The following NEK10 variants were observed in gnomAD, a reference collection of about 807,000 sequenced individuals.
NEK10 encodes the protein NIMA related kinase 10.
In NEK10, 122 loss-of-function variants were observed where a neutral mutation model predicts 159.8. That is an observed-to-expected ratio of 0.76 (90% CI 0.66 to 0.89). NEK10 has a LOEUF of 0.89. Among genes scored for constraint, NEK10 ranks in the 40% least tolerant of loss-of-function variants. NEK10 has a pLI of 0.00. For missense variants in NEK10, 1,342 were observed against 1,323.1 expected (o/e 1.01, Z -0.22); for synonymous variants, 466 against 457.1 (o/e 1.02, Z -0.25).
chr3:27,310,774 C>A, intron 9 of NEK10, 175 bp downstream of exon 9: 1 of 467,482 alleles, frequency 2.1e-6, no homozygotes, highest in African/African-American at 2.0e-5. Context: ...TCTCTATTAA[C>A]TTGTAATGCT....
intron 23 of NEK10, among the ~76,000 whole-genome samples, chr3:27,243,837 G>A (rs1425803179): frequency 1.5e-5 from 1 of 64,624 alleles, no homozygotes; most frequent in African/African-American, 3.8e-5. Flanking sequence ...ATGGGTGTGT[G>A]TGTGTGTGTG....
At chr3:27,261,367 T>C (rs1260064236) in intron 22 of NEK10, among the ~76,000 whole-genome samples, 1 of 152,238 alleles carries the variant, frequency 6.6e-6, no homozygotes, top group East Asian at 1.9e-4. Context: ...TTTAGTGCTA[T>C]AAATTTCCCT....
chr3:27,125,376 C>T (rs1175724362), intron 32 of NEK10, among the ~76,000 whole-genome samples: 3 of 152,072 alleles, frequency 2.0e-5, no homozygotes, highest in African/African-American at 2.4e-5. Flanking sequence ...TGAGGTAGAA[C>T]TCTGAAGGAA....
chr3:27,211,460 T>C (rs1951003043), intron 23 of NEK10, among the ~76,000 whole-genome samples: 1 of 152,232 alleles, frequency 6.6e-6, no homozygotes, highest in South Asian at 2.1e-4. Flanking sequence ...ACCCTCAGTC[T>C]ATTAAAGTCA....
chr3:27,251,952 G>C (rs189832679), intron 23 of NEK10, among the ~76,000 whole-genome samples: 2 of 152,010 alleles, frequency 1.3e-5, no homozygotes, highest in African/African-American at 4.8e-5. Context: ...TTTTCTTCAG[G>C]CTTTATTAGG....
intron 3 of NEK10, 89 bp downstream of exon 3, chr3:27,352,376 C>T: frequency 1.2e-6 from 1 of 828,704 alleles, no homozygotes; most frequent in Non-Finnish European, 2.1e-6. Context: ...GAAAAGCAGA[C>T]ATATCATTCA....
chr3:27,115,224 G>C (rs1940222271), intron 35 of NEK10, among the ~76,000 whole-genome samples: 2 of 152,162 alleles, frequency 1.3e-5, no homozygotes, highest in Admixed American at 6.5e-5. Flanking sequence ...TCCCCAGTGG[G>C]ATCAGGCTTC....
Position 27,111,008 on chromosome 3 carries a change from A to C in NEK10, c.*264T>G, listed in dbSNP as rs934681680. 6.2e-6 allele frequency: 2 copies of C among 324,460 alleles called. No homozygotes were observed. Among genetic ancestry groups the C allele is most frequent in the African/African-American group, 2.1e-5 (1 of 46,892 alleles). 20.1% of individuals were successfully genotyped at this position (324,460 alleles called of 1,614,324 possible). ...TTTCCCCCCACCCTCCAAAAGATGA[A>C]TTTTGCAGCATTTTCTCCCAGCAGC... is the stretch of plus-strand genomic sequence containing the variant. On this transcript the variant is annotated 3_prime_UTR_variant, in exon 36 of 36. Transcript: ENST00000691995.
At chr3:27,289,155 GA>G (rs1004760034) in intron 19 of NEK10, among the ~76,000 whole-genome samples, 1 of 152,198 alleles carries the variant, frequency 6.6e-6, no homozygotes, top group African/African-American at 2.4e-5. Context: ...CAAGAAGAGA[GA>G]AAAAAGCCTG....
chr3:27,264,214 A>C (rs2040680965), intron 22 of NEK10, among the ~76,000 whole-genome samples: 4 of 152,154 alleles, frequency 2.6e-5, no homozygotes. Context: ...AACTCAACCA[A>C]ACTTTTAAGA....
intron 31 of NEK10, among the ~76,000 whole-genome samples, chr3:27,139,211 A>T (rs1943532780): frequency 6.6e-6 from 1 of 152,220 alleles, no homozygotes; most frequent in Admixed American, 6.5e-5. Context: ...TCTTGTTGAG[A>T]CTACCCAAGT....
intron 29 of NEK10, among the ~76,000 whole-genome samples, chr3:27,163,425 C>T: frequency 6.6e-6 from 1 of 151,980 alleles, no homozygotes; most frequent in Non-Finnish European, 1.5e-5. Flanking sequence ...GATCTCAGCT[C>T]ACTGAAACCT....
At chr3:27,203,400 T>C (rs1299872805) in intron 23 of NEK10, among the ~76,000 whole-genome samples, 1 of 152,232 alleles carries the variant, frequency 6.6e-6, no homozygotes, top group Non-Finnish European at 1.5e-5. Flanking sequence ...GCTTCTGAAA[T>C]TGCCACACAA....
At chr3:27,245,695 G>T (rs1954989827) in intron 23 of NEK10, among the ~76,000 whole-genome samples, 1 of 152,170 alleles carries the variant, frequency 6.6e-6, no homozygotes, top group South Asian at 2.1e-4. Context: ...GGGATGGATT[G>T]TTATGCATCC....
rs935249186 is a variant in NEK10, at chr3:27,369,333, TCCTCCC to T, written c.-152_-147del. On this transcript the variant is annotated 5_prime_UTR_variant, in exon 1 of 36. Coordinates refer to ENST00000691995, the MANE Select transcript of NEK10 (RefSeq NM_001394966.1). The surrounding 1 kb of genome is among the most constrained non-coding windows in gnomAD (Gnocchi z 4.2). ...TCCCGTCCAGTCTCAGCCCGTCCCG[TCCTCCC>T]CCCAGCCTATTCCCGGTCCCCTCAA... 1.3e-5 allele frequency: 2 copies of T among 152,776 alleles called. No homozygotes were observed. Among genetic ancestry groups the T allele is most frequent in the African/African-American group, 4.8e-5 (2 of 41,334 alleles). The allele number at this position is 152,776 out of a possible 1,614,324, so 9.5% of individuals were successfully genotyped here.
At chr3:27,217,139 C>T (rs545744856) in intron 23 of NEK10, among the ~76,000 whole-genome samples, 1 of 152,242 alleles carries the variant, frequency 6.6e-6, no homozygotes, top group East Asian at 1.9e-4. Context: ...GCCCAAATTC[C>T]TATCTAAGGC....
rs532854215 is a variant in NEK10 at position 27,248,447 on chromosome 3, T to C, written c.2090+7849A>G. ...TTCTCTAGTTCTCTCAGATGCATCATTAGGTTATTTATTTGAAGTTTTTCT... is the reference window on the plus strand; with the variant it reads ...TTCTCTAGTTCTCTCAGATGCATCACTAGGTTATTTATTTGAAGTTTTTCT... On this transcript the variant is annotated intron_variant, in intron 23 of 35. Transcript: ENST00000691995. 5.6e-4 allele frequency among the ~76,000 whole-genome samples: 86 copies of C among 152,220 alleles called. 2 individuals carry two copies. The South Asian group carries it at 0.017, about 31-fold the overall frequency.
chr3:27,327,151 T>A (rs573950806), intron 5 of NEK10, among the ~76,000 whole-genome samples: 1 of 152,210 alleles, frequency 6.6e-6, no homozygotes, highest in East Asian at 1.9e-4. Context: ...AGACTCCCAT[T>A]CCAGTGCTCT....
Position 27,310,940 on chromosome 3 carries a change from G to T in NEK10, c.636+9C>A, listed in dbSNP as rs781050720. 1.1e-5 allele frequency: 17 copies of T among 1,577,756 alleles called. No individual in the cohort carries two copies. The highest frequency in any genetic ancestry group is 1.5e-5 in the Non-Finnish European group (17 of 1,147,836). The stretch of plus-strand genomic sequence containing the variant: ...AGCTGAAGCATTAACTCTTTCAGGG[G>T]CCACTCACCTTGTGGGCTCCACTTG... On this transcript the variant is annotated intron_variant, in intron 9 of 35. Transcript: ENST00000691995.
Sources: allele counts gnomAD v4.1 joint callset (sites outside exome capture counted in the v4.1 genomes callset), GRCh38; gene constraint gnomAD v4.1.1; non-coding constraint Gnocchi (gnomAD v3.1); transcripts MANE v1.5; gene names NCBI Gene and HGNC (gene_info 2026-07-23, HGNC 2026-07-21).